The following RANBP2 variants were observed in gnomAD, a reference collection of about 807,000 sequenced individuals.
The protein encoded by RANBP2 is RAN binding protein 2.
In RANBP2, 57 loss-of-function variants were observed where a neutral mutation model predicts 303.6. That is an observed-to-expected ratio of 0.19 (90% CI 0.15 to 0.23). The LOEUF (loss-of-function observed/expected upper bound fraction) is 0.23. Among genes scored for constraint, RANBP2 ranks in the 10% least tolerant of loss-of-function variants. RANBP2 has a pLI of 1.00. For synonymous variants in RANBP2, 1,167 were observed against 1,301.5 expected, an observed-to-expected ratio of 0.90 and a Z score of 2.23; for missense variants, 3,138 against 3,780.8, an observed-to-expected ratio of 0.83 and a Z score of 4.46.
intron 1 of RANBP2, among the ~76,000 whole-genome samples, chr2:108,720,946 G>C (rs1694186811): frequency 6.6e-6 from 1 of 152,180 alleles, no homozygotes; most frequent in African/African-American, 2.4e-5. Flanking sequence ...CTACCCGGGA[G>C]GCTGAGGCAG....
At chr2:109,411,687 G>A in the RANBP2 span, among the ~76,000 whole-genome samples, 4 of 152,024 alleles carry the variant, frequency 2.6e-5, no homozygotes, top group Admixed American at 2.0e-4. Flanking sequence ...CGCACCCCTC[G>A]CCCTGGGTAC....
chr2:109,539,743 G>A, the RANBP2 span, among the ~76,000 whole-genome samples: 5 of 152,102 alleles, frequency 3.3e-5, no homozygotes, highest in Non-Finnish European at 5.9e-5. Context: ...GTGCCCGGCC[G>A]CAACCAGTTT....
At chr2:109,138,616 T>G in the RANBP2 span, among the ~76,000 whole-genome samples, 1 of 152,206 alleles carries the variant, frequency 6.6e-6, no homozygotes, top group Non-Finnish European at 1.5e-5. Flanking sequence ...TTCATTCTAG[T>G]CTTCCTGTTC....
the RANBP2 span, among the ~76,000 whole-genome samples, chr2:109,022,827 G>C: frequency 6.6e-6 from 1 of 152,090 alleles, no homozygotes; most frequent in African/African-American, 2.4e-5. Context: ...GAGGTGGGTG[G>C]ATCACCTGAG....
the RANBP2 span, among the ~76,000 whole-genome samples, chr2:109,315,676 C>T: frequency 0.31 from 47,479 of 152,104 alleles, 9,199 homozygotes; most frequent in African/African-American, 0.55. Context: ...TATAAAGGGG[C>T]GAGCTCTGTC....
At chr2:109,271,763 T>C in the RANBP2 span, among the ~76,000 whole-genome samples, 3 of 152,266 alleles carry the variant, frequency 2.0e-5, no homozygotes, top group African/African-American at 4.8e-5. Context: ...TATTGGACTT[T>C]TGTGGTATCA....
At chr2:109,138,757 G>A in the RANBP2 span, among the ~76,000 whole-genome samples, 1 of 152,366 alleles carries the variant, frequency 6.6e-6, no homozygotes, top group Non-Finnish European at 1.5e-5. Context: ...CCATGGCCCT[G>A]TGTGAGTGCT....
the RANBP2 span, among the ~76,000 whole-genome samples, chr2:109,181,011 T>C: frequency 2.0e-5 from 3 of 152,158 alleles, no homozygotes; most frequent in Admixed American, 1.3e-4. Flanking sequence ...TACTTACCAA[T>C]TTTCCCCTTC....
chr2:109,288,077 A>G, the RANBP2 span, among the ~76,000 whole-genome samples: 2 of 152,242 alleles, frequency 1.3e-5, no homozygotes, highest in Non-Finnish European at 2.9e-5. Flanking sequence ...TAGCCTTAAT[A>G]TAGTCTCATG....
the RANBP2 span, among the ~76,000 whole-genome samples, chr2:109,223,531 G>C: frequency 1.3e-5 from 2 of 152,234 alleles, no homozygotes; most frequent in African/African-American, 4.8e-5. Context: ...TGGAAGCGTA[G>C]GAAGGGCTTG....
chr2:109,648,504 C>A, the RANBP2 span, among the ~76,000 whole-genome samples: 1 of 151,852 alleles, frequency 6.6e-6, no homozygotes, highest in Admixed American at 6.6e-5. Context: ...TCATGATGCC[C>A]GGCTAATTTT....
chr2:109,478,481 T>C, the RANBP2 span, among the ~76,000 whole-genome samples: 1 of 152,266 alleles, frequency 6.6e-6, no homozygotes, highest in Non-Finnish European at 1.5e-5. Context: ...TTCAGTTATC[T>C]AGATGTCTTC....
At chr2:108,757,085 C>T (rs1221562224) in intron 17 of RANBP2, among the ~76,000 whole-genome samples, 1 of 152,216 alleles carries the variant, frequency 6.6e-6, no homozygotes, top group East Asian at 1.9e-4. Flanking sequence ...CATGCTAGAT[C>T]TGTCCCTGAC....
chr2:109,005,096 T>A, the RANBP2 span, among the ~76,000 whole-genome samples: 1 of 152,214 alleles, frequency 6.6e-6, no homozygotes, highest in Non-Finnish European at 1.5e-5. Flanking sequence ...ACCCTCTTCA[T>A]CCTAATCCAA....
the RANBP2 span, among the ~76,000 whole-genome samples, chr2:109,085,228 A>AG: frequency 1.3e-5 from 2 of 152,230 alleles, no homozygotes; most frequent in African/African-American, 4.8e-5. Flanking sequence ...ACTCCATAGC[A>AG]GGGGGCACAT....
chr2:108,742,857 C>T lies in RANBP2; in HGVS notation c.975+2176C>T, dbSNP rs1482697732. Among the ~76,000 whole-genome samples the T allele has an allele frequency of 1.2e-4, 19 of 152,282 alleles. No homozygotes were observed. In the South Asian group the frequency reaches 1.7e-3, roughly 13 times the overall value. ...AGGCTGGAGCACAGTGGCACGACCT[C>T]GGCTCACTGCAAGCTCCACCTCCTG... On this transcript the variant is annotated intron_variant, in intron 7 of 28. Transcript: ENST00000283195.
At chr2:108,834,973 G>A in the RANBP2 span, among the ~76,000 whole-genome samples, 2 of 152,230 alleles carry the variant, frequency 1.3e-5, no homozygotes, top group Admixed American at 1.3e-4. Context: ...TCAGTTGGCA[G>A]CTCTTCAATT....
the RANBP2 span, among the ~76,000 whole-genome samples, chr2:109,114,268 C>A: frequency 5.3e-5 from 8 of 152,028 alleles, no homozygotes; most frequent in African/African-American, 1.9e-4. Flanking sequence ...GTCCTGGACT[C>A]TTTTTGGTTG....
the RANBP2 span, among the ~76,000 whole-genome samples, chr2:109,175,248 C>G: frequency 6.6e-6 from 1 of 152,170 alleles, no homozygotes; most frequent in Admixed American, 6.5e-5. Context: ...TTTTCCTTGC[C>G]TGGCACTTGT....
Sources: gnomAD v4.1 joint callset for allele counts (sites outside exome capture counted in the v4.1 genomes callset) on GRCh38, gnomAD v4.1.1 for gene constraint, MANE v1.5 for transcripts, NCBI Gene and HGNC (gene_info 2026-07-23, HGNC 2026-07-21) for gene names.